Variants in CTNNA2 observed in about 807,000 individuals in gnomAD.
The protein encoded by CTNNA2 is catenin alpha 2.
A neutral mutation model predicts 101.0 loss-of-function variants in CTNNA2; 42 were observed. The ratio of observed to expected loss-of-function variants is 0.42; its 90% CI spans 0.32 to 0.54. CTNNA2 has a LOEUF of 0.54. CTNNA2 is among the 20% of genes least tolerant of loss of function. CTNNA2 has a pLI of 0.14. For missense variants in CTNNA2, 871 were observed against 1,223.1 expected (o/e 0.71, Z 4.29); for synonymous variants, 450 against 456.4 (o/e 0.99, Z 0.18).
At chr2:80,556,855 T>TAA (rs1693082958) in intron 12 of CTNNA2, among the ~76,000 whole-genome samples, 1 of 152,204 alleles carries the variant, frequency 6.6e-6, no homozygotes, top group African/African-American at 2.4e-5. Context: ...CCTCAAACCC[T>TAA]AAGGGGGACC....
intron 2 of CTNNA2, among the ~76,000 whole-genome samples, chr2:79,291,807 T>C (rs1011153111): frequency 3.9e-5 from 6 of 152,218 alleles, no homozygotes; most frequent in African/African-American, 1.4e-4. Context: ...GTGTCAGTTG[T>C]ATTTATTTTT....
In CTNNA2 at chr2:79,292,496, T is replaced by C. The variant is rs534938862; in HGVS notation, c.-405-20213T>C. On this transcript the variant is annotated intron_variant, in intron 2 of 21. Coordinates refer to the CTNNA2 transcript ENST00000466387. ...GAATCATCACCTAGGTAATCAACTG[T>C]AATGCTAGTTCTCTAAGGAACTAAA... 3.9e-5 allele frequency among the ~76,000 whole-genome samples: 6 copies of C among 152,352 alleles called. No homozygotes were observed. In the South Asian group the frequency reaches 1.2e-3, roughly 32 times the overall value.
In CTNNA2 at chr2:80,160,274, A is replaced by G. The variant is rs1704229517; in HGVS notation, c.1057-232937A>G. On this transcript the variant is annotated intron_variant, in intron 7 of 18. Coordinates refer to ENST00000402739, the MANE Select transcript of CTNNA2 (RefSeq NM_001282597.3). ...AATCTTCTTTTTTAAAATTCGTTTCAGTATCCTAGTTCCTTTGCCTTCTCA... is the reference window on the plus strand; with the variant it reads ...AATCTTCTTTTTTAAAATTCGTTTCGGTATCCTAGTTCCTTTGCCTTCTCA... 1.3e-5 allele frequency among the ~76,000 whole-genome samples: 2 copies of G among 152,200 alleles called. 1 individual carries two copies. The highest frequency in any genetic ancestry group is 4.1e-4 in the South Asian group (2 of 4,830).
intron 3 of CTNNA2, among the ~76,000 whole-genome samples, chr2:79,756,382 T>C (rs936028999): frequency 3.9e-5 from 6 of 152,168 alleles, no homozygotes; most frequent in African/African-American, 1.2e-4. Flanking sequence ...TTGAGTTCTA[T>C]GCACAGGCAC....
chr2:80,586,670 C>A (rs1695999466), intron 14 of CTNNA2: 1 of 152,164 alleles, frequency 6.6e-6, no homozygotes, highest in African/African-American at 2.4e-5. Flanking sequence ...GTATATCAAG[C>A]ACCTTTTCAA....
At chr2:80,585,645 T>G (rs572240168) in intron 14 of CTNNA2, among the ~76,000 whole-genome samples, 1 of 152,312 alleles carries the variant, frequency 6.6e-6, no homozygotes, top group African/African-American at 2.4e-5. Context: ...GGCTTCTATT[T>G]TTTTCTAGCT....
intron 3 of CTNNA2, among the ~76,000 whole-genome samples, chr2:79,762,559 G>C (rs1672865549): frequency 6.6e-6 from 1 of 152,054 alleles, no homozygotes; most frequent in Non-Finnish European, 1.5e-5. Flanking sequence ...AGAGATTAAA[G>C]AGCAAAGATA....
intron 2 of CTNNA2, among the ~76,000 whole-genome samples, chr2:79,670,655 A>G (rs17017476): frequency 0.2 from 30,186 of 152,118 alleles, 3,236 homozygotes; most frequent in East Asian, 0.45. Flanking sequence ...TATCTCCATA[A>G]TTTTAATTTT....
intron 7 of CTNNA2, among the ~76,000 whole-genome samples, chr2:80,191,684 A>AG (rs1434301107): frequency 2.6e-5 from 4 of 151,992 alleles, no homozygotes; most frequent in African/African-American, 9.7e-5. Context: ...AAGAGTAACA[A>AG]AAAACATTAT....
chr2:79,730,848 C>A lies in CTNNA2; in HGVS notation c.103-13539C>A, dbSNP rs888366077. Among the ~76,000 whole-genome samples, 17 of 149,596 alleles carry A rather than the reference C, an allele frequency of 1.1e-4. No individual in the cohort carries two copies. In the East Asian group the frequency reaches 1.4e-3, roughly 12 times the overall value. The stretch of plus-strand genomic sequence containing the variant: ...TACAGAGAGAGAGACAAAGGGAGAC[C>A]AAAAAATAAATAAATAAAAAACAAA... On this transcript the variant is annotated intron_variant, in intron 2 of 18. Transcript: ENST00000402739.
intron 4 of CTNNA2, among the ~76,000 whole-genome samples, chr2:79,490,464 T>A (rs1254595293): frequency 6.6e-6 from 1 of 152,194 alleles, no homozygotes; most frequent in Non-Finnish European, 1.5e-5. Context: ...AGAAAAGGGT[T>A]TCCACTTTAA....
At chr2:80,636,007 C>G (rs1338498297) in intron 18 of CTNNA2, among the ~76,000 whole-genome samples, 1 of 111,838 alleles carries the variant, frequency 8.9e-6, no homozygotes, top group African/African-American at 3.3e-5. Flanking sequence ...TATCTTCTTG[C>G]CTTTTCCTGG....
intron 4 of CTNNA2, among the ~76,000 whole-genome samples, chr2:79,382,616 A>AT (rs946142408): frequency 1.3e-5 from 2 of 151,806 alleles, no homozygotes; most frequent in Admixed American, 6.6e-5. Context: ...AAACTATTAA[A>AT]TTTTTTTTCT....
At chr2:79,188,096 G>A (rs1442923399) in intron 1 of CTNNA2, among the ~76,000 whole-genome samples, 2 of 152,044 alleles carry the variant, frequency 1.3e-5, no homozygotes, top group Non-Finnish European at 2.9e-5. Flanking sequence ...AGAGAAAAAT[G>A]TTATGTAATT....
intron 1 of CTNNA2, among the ~76,000 whole-genome samples, chr2:79,525,997 T>A (rs1216237925): frequency 1.3e-5 from 2 of 152,064 alleles, no homozygotes; most frequent in Non-Finnish European, 1.5e-5. Context: ...AATTTTTTTG[T>A]TTGCTGTTTA....
intron 7 of CTNNA2, among the ~76,000 whole-genome samples, chr2:80,248,787 G>A (rs1671539680): frequency 2.0e-5 from 3 of 152,302 alleles, no homozygotes; most frequent in South Asian, 2.1e-4. Context: ...AGAATGTAGA[G>A]AGAGAAATGG....
At chr2:79,627,421 G>A (rs1380563791) in intron 1 of CTNNA2, among the ~76,000 whole-genome samples, 2 of 152,176 alleles carry the variant, frequency 1.3e-5, no homozygotes, top group African/African-American at 2.4e-5. Flanking sequence ...TTGTCATCCT[G>A]TAAATACCCA....
In CTNNA2 at chr2:79,292,188, G is replaced by A. The variant is rs75894972; in HGVS notation, c.-405-20521G>A. ...TCTTTACGTGCTTAATTAAAGTTTG[G>A]AATGGCTGCTCACCTCCATAAATCA... On this transcript the variant is annotated intron_variant, in intron 2 of 21. Transcript: ENST00000466387. Among the ~76,000 whole-genome samples the A allele has an allele frequency of 5.7e-3, 866 of 152,254 alleles. 8 individuals carry two copies. Among genetic ancestry groups the A allele is most frequent in the African/African-American group, 0.02 (836 of 41,520 alleles).
chr2:79,835,666 G>GTTTTTTTTTTTTT lies in CTNNA2; in HGVS notation c.299-22322_299-22310dup, dbSNP rs70940048. Among the ~76,000 whole-genome samples the GTTTTTTTTTTTTT allele has an allele frequency of 2.0e-4, 12 of 58,634 alleles. 1 individual carries two copies. Among genetic ancestry groups the GTTTTTTTTTTTTT allele is most frequent in the African/African-American group, 6.6e-4 (9 of 13,696 alleles). The allele number at this position is 58,634 out of a possible 152,430, so 38.5% of individuals were successfully genotyped here. On this transcript the variant is annotated intron_variant, in intron 3 of 18. Transcript: ENST00000402739. ...CTGTGCTGCAGAATGGCCTCTCTTT[G>GTTTTTTTTTTTTT]TTTTTTTTTTTTTTTTTTTTTTTTT...
Sources: gnomAD v4.1 joint callset for allele counts (sites outside exome capture counted in the v4.1 genomes callset) on GRCh38, gnomAD v4.1.1 for gene constraint, MANE v1.5 for transcripts, NCBI Gene and HGNC (gene_info 2026-07-23, HGNC 2026-07-21) for gene names.